C5orf24: variants seen among roughly 807,000 people sequenced by gnomAD.
The protein encoded by C5orf24 is chromosome 5 open reading frame 24, also known as UPF0461 protein C5orf24.
C5orf24 carries 4 observed loss-of-function variants against 9.8 expected under a neutral mutation model. The observed-to-expected ratio is 0.41, with a 90% CI of 0.20 to 0.93. The LOEUF (loss-of-function observed/expected upper bound fraction) is 0.93, where lower values mean the gene tolerates loss of function less well. C5orf24 is among the 40% of genes least tolerant of loss of function. The pLI is 0.33. For missense variants in C5orf24, 170 were observed against 236.9 expected (o/e 0.72, Z 1.85); for synonymous variants, 73 against 81.3 (o/e 0.90, Z 0.55).
Position 134,856,622 on chromosome 5 carries a change from CAG to C in C5orf24, c.*1158_*1159del, listed in dbSNP as rs1756318945. On this transcript the variant is annotated 3_prime_UTR_variant, in exon 2 of 2. Transcript: ENST00000394976. ...TGCCACTGCACTCCAGCCTGGGTGA[CAG>C]AGTAAGACTCCGTCTCAAATAAATA... 2 of 701,700 alleles carry C rather than the reference CAG, an allele frequency of 2.9e-6. No homozygotes were observed. Among genetic ancestry groups the C allele is most frequent in the Admixed American group, 6.3e-5 (1 of 15,770 alleles). 43.5% of individuals were successfully genotyped at this position (701,700 alleles called of 1,614,324 possible).
chr5:134,844,721 T>G (rs1755948181), upstream of C5orf24, among the ~76,000 whole-genome samples: 1 of 151,294 alleles, frequency 6.6e-6, no homozygotes, highest in Non-Finnish European at 1.5e-5. Context: ...GAGCTTTGTG[T>G]CCAGAGTTTT....
intron 1 of C5orf24, among the ~76,000 whole-genome samples, chr5:134,852,798 A>G (rs1756193243): frequency 6.6e-6 from 1 of 152,198 alleles, no homozygotes; most frequent in African/African-American, 2.4e-5. Context: ...GCACTTTGGG[A>G]GGCCAAGGAA....
intron 1 of C5orf24, among the ~76,000 whole-genome samples, chr5:134,848,658 C>T (rs1247235123): frequency 1.1e-4 from 4 of 37,578 alleles, no homozygotes; most frequent in Admixed American, 4.4e-4. Flanking sequence ...AACTCCGTCT[C>T]AAAAAAAAAA....
Position 134,854,964 on chromosome 5 carries a change from A to C in C5orf24, c.64A>C (p.Asn22His). The C allele has an allele frequency of 6.2e-7, 1 of 1,614,124 alleles. No individual in the cohort carries two copies. Among genetic ancestry groups the C allele is most frequent in the Non-Finnish European group, 8.5e-7 (1 of 1,180,038 alleles). Reference sequence around the variant, plus strand: ...TGGGCCTGGCAAGCCTTCCTGCCTCAATGAAGATGCCATGAGAGCTGCTGA... The same window carrying C: ...TGGGCCTGGCAAGCCTTCCTGCCTCCATGAAGATGCCATGAGAGCTGCTGA... ...FCGPGKPSCL[N>H]EDAMRAADQF... Residue 22 changes from asparagine (N) to histidine (H), a missense_variant, in exon 2 of 2, where the codon AAT becomes CAT. Coordinates refer to ENST00000394976, the MANE Select transcript of C5orf24 (RefSeq NM_001135586.1).
Position 134,855,333 on chromosome 5 carries a change from A to T in C5orf24, c.433A>T (p.Ile145Phe). 6.2e-7 allele frequency: 1 copy of T among 1,614,184 alleles called. No homozygotes were observed. Among genetic ancestry groups the T allele is most frequent in the Non-Finnish European group, 8.5e-7 (1 of 1,180,048 alleles). The change falls in exon 2 of 2, where the codon ATT becomes TTT. Residue 145 changes from isoleucine (I) to phenylalanine (F), a missense_variant. Physicochemically the swap from Ile to Phe is conservative, Grantham distance 21 (BLOSUM62 0). Around this residue, in one of 3 missense-constraint regions of C5orf24, gnomAD observed 56 missense variants for 60.3 expected, o/e 0.93. Transcript: ENST00000394976. ...KVSPGRPPGSIKALSRLADLG... is the reference protein window; with the variant it reads ...KVSPGRPPGSFKALSRLADLG... ...CAGCCCAGGCAGACCTCCAGGTAGC[A>T]TTAAAGCTCTATCCCGTCTTGCCGA...
At chr5:134,839,069 C>T in the C5orf24 span, among the ~76,000 whole-genome samples, 1 of 151,912 alleles carries the variant, frequency 6.6e-6, no homozygotes, top group East Asian at 1.9e-4. Flanking sequence ...ATTGGCCCGG[C>T]ACACATCCAT....
At position 134,857,010 on chromosome 5, in the gene C5orf24, T is replaced by C. The variant is rs1756332386; in HGVS notation, c.*1543T>C. 9.8e-7 allele frequency: 1 copy of C among 1,016,964 alleles called. No individual in the cohort carries two copies. Among genetic ancestry groups the C allele is most frequent in the African/African-American group, 1.7e-5 (1 of 57,926 alleles). 63.0% of individuals were successfully genotyped at this position (1,016,964 alleles called of 1,614,324 possible). ...AATGATGTTTGCTTTAGAAGCAAGATAGAAAGGAAAAAAAGTATTAGGTAG... is the reference window on the plus strand; with the variant it reads ...AATGATGTTTGCTTTAGAAGCAAGACAGAAAGGAAAAAAAGTATTAGGTAG... On this transcript the variant is annotated 3_prime_UTR_variant, in exon 2 of 2. Coordinates refer to ENST00000394976, the MANE Select transcript of C5orf24 (RefSeq NM_001135586.1).
In C5orf24 at chr5:134,856,646, A is replaced by AGT. The variant is rs1756320854; in HGVS notation, c.*1179_*1180insGT. 3 of 593,484 alleles carry AGT rather than the reference A, an allele frequency of 5.1e-6. No homozygotes were observed. Among genetic ancestry groups the AGT allele is most frequent in the Admixed American group, 6.7e-5 (1 of 14,906 alleles). The allele number at this position is 593,484 out of a possible 1,614,324, so 36.8% of individuals were successfully genotyped here. On this transcript the variant is annotated 3_prime_UTR_variant, in exon 2 of 2. Coordinates refer to ENST00000394976, the MANE Select transcript of C5orf24 (RefSeq NM_001135586.1). Reference sequence around the variant, plus strand: ...ACAGAGTAAGACTCCGTCTCAAATAAATAAATAAATAAATAAATAAATAAA... The same window carrying AGT: ...ACAGAGTAAGACTCCGTCTCAAATAAGTATAAATAAATAAATAAATAAATAAA...
rs938107268 is a variant in C5orf24, at chr5:134,853,021, C to T, written c.-3-1877C>T. On this transcript the variant is annotated intron_variant, in intron 1 of 1. Transcript: ENST00000394976. ...TCTACTAAAAATACAAAATATTCGCCGGGCGTGGTGGCGGGTGCCTGTAGT... is the reference window on the plus strand; with the variant it reads ...TCTACTAAAAATACAAAATATTCGCTGGGCGTGGTGGCGGGTGCCTGTAGT... 2.2e-4 allele frequency among the ~76,000 whole-genome samples: 33 copies of T among 152,076 alleles called. 1 individual carries two copies. Among genetic ancestry groups the T allele is most frequent in the African/African-American group, 6.8e-4 (28 of 41,474 alleles).
the C5orf24 span, among the ~76,000 whole-genome samples, chr5:134,837,863 C>CTA: frequency 0.023 from 3,494 of 152,170 alleles, 64 homozygotes; most frequent in African/African-American, 0.056. Flanking sequence ...TGATATAAAG[C>CTA]TATATATTTA....
chr5:134,857,593 C>CAAGA lies in C5orf24; in HGVS notation c.*2128_*2129insGAAA. On this transcript the variant is annotated 3_prime_UTR_variant, in exon 2 of 2. Transcript: ENST00000394976. ...AAATTGCTACAAGAGCTTTTTCTTG[C>CAAGA]AAAAGCTTAAAATACAAGATTTTTA... The CAAGA allele has an allele frequency of 1.6e-6, 1 of 606,844 alleles. No homozygotes were observed. Among genetic ancestry groups the CAAGA allele is most frequent in the Non-Finnish European group, 2.5e-6 (1 of 395,004 alleles). 37.6% of individuals were successfully genotyped at this position (606,844 alleles called of 1,614,324 possible). A position where few individuals can be genotyped will look rare whatever the true frequency, so the allele number is the denominator to read the frequency against.
intron 1 of C5orf24, among the ~76,000 whole-genome samples, chr5:134,847,077 C>T (rs945032355): frequency 6.6e-6 from 1 of 152,106 alleles, no homozygotes; most frequent in Admixed American, 6.6e-5. Flanking sequence ...TTTATGTTGG[C>T]AGTAATGACT....
chr5:134,846,441 A>T (rs1473674866), intron 1 of C5orf24: 1 of 152,256 alleles, frequency 6.6e-6, no homozygotes, highest in East Asian at 1.9e-4. Context: ...TTTCTTTGAG[A>T]GGTCAGAATC....
upstream of C5orf24, chr5:134,845,919 A>G (rs918037304): frequency 2.0e-5 from 3 of 152,246 alleles, no homozygotes; most frequent in Non-Finnish European, 2.9e-5. Flanking sequence ...TCGCGATGCG[A>G]GTGAGCGTGT....
chr5:134,856,896 A>C lies in C5orf24; in HGVS notation c.*1429A>C. On this transcript the variant is annotated 3_prime_UTR_variant, in exon 2 of 2. Coordinates refer to ENST00000394976, the MANE Select transcript of C5orf24 (RefSeq NM_001135586.1). ...CATATAGGAATCCATCTATGCATGA[A>C]ACATGTAAAAAATATGTTGGTTAGT... 1.0e-6 allele frequency: 1 copy of C among 1,001,354 alleles called. No homozygotes were observed. Among genetic ancestry groups the C allele is most frequent in the African/African-American group, 1.7e-5 (1 of 57,372 alleles). The allele number at this position is 1,001,354 out of a possible 1,614,324, so 62.0% of individuals were successfully genotyped here.
upstream of C5orf24, chr5:134,845,898 G>A (rs961920456): frequency 6.6e-6 from 1 of 152,338 alleles, no homozygotes; most frequent in African/African-American, 2.4e-5. Context: ...TTGGCGGCGG[G>A]AGATCGGGTC....
the C5orf24 span, among the ~76,000 whole-genome samples, chr5:134,835,985 A>T: frequency 6.6e-6 from 1 of 150,590 alleles, no homozygotes; most frequent in Non-Finnish European, 1.5e-5. Flanking sequence ...CCGCACCTGG[A>T]TTTTTTTTTC....
rs1270509570 is a variant in C5orf24, at chr5:134,858,999, GTTTC to G, written c.*3536_*3539del. On this transcript the variant is annotated 3_prime_UTR_variant, in exon 2 of 2. Coordinates refer to ENST00000394976, the MANE Select transcript of C5orf24 (RefSeq NM_001135586.1). Reference sequence around the variant, plus strand: ...TCTATTTTCATGAACTAAGAATAGAGTTTCTTTGAGTTGAGGAGAAAAAAATATA... The same window carrying G: ...TCTATTTTCATGAACTAAGAATAGAGTTTGAGTTGAGGAGAAAAAAATATA... 2 of 166,636 alleles carry G rather than the reference GTTTC, an allele frequency of 1.2e-5. No homozygotes were observed. Among genetic ancestry groups the G allele is most frequent in the Non-Finnish European group, 2.9e-5 (2 of 67,990 alleles). 10.3% of individuals were successfully genotyped at this position (166,636 alleles called of 1,614,324 possible). A position where few individuals can be genotyped will look rare whatever the true frequency, so the allele number is the denominator to read the frequency against.
the C5orf24 span, among the ~76,000 whole-genome samples, chr5:134,839,800 G>C: frequency 1.3e-5 from 2 of 150,302 alleles, no homozygotes; most frequent in Non-Finnish European, 2.9e-5. Context: ...AGCAGTTCTC[G>C]TGTCTGCCTC....
Sources: gnomAD v4.1 joint callset for allele counts (sites outside exome capture counted in the v4.1 genomes callset) on GRCh38, gnomAD v4.1.1 for gene constraint, gnomAD v4.1.1 regional missense constraint, MANE v1.5 for transcripts, NCBI Gene and HGNC (gene_info 2026-07-23, HGNC 2026-07-21) for gene names.